ZNF420: variants seen among roughly 807,000 people sequenced by gnomAD.
ZNF420 encodes the protein ATM and p53-associated KZNF protein.
In ZNF420, 31 loss-of-function variants were observed where a neutral mutation model predicts 44.7. The ratio of observed to expected loss-of-function variants is 0.69; its 90% CI spans 0.52 to 0.94. ZNF420 has a LOEUF of 0.94. ZNF420 is among the 40% of genes least tolerant of loss of function. The probability of loss-of-function intolerance (pLI) is 0.00; values close to 1 mark genes in which losing one functional copy is unlikely to be tolerated. For synonymous variants in ZNF420, 245 were observed against 267.4 expected (o/e 0.92, Z 0.82); for missense variants, 681 against 827.9 (o/e 0.82, Z 2.18).
Position 37,048,688 on chromosome 19 carries a change from C to A in ZNF420, c.-124-31657C>A, listed in dbSNP as rs1175403022. On this transcript the variant is annotated intron_variant, in intron 1 of 4. Transcript: ENST00000587029. ...TCCTATTGGTGGCCACAATGTCACA[C>A]TCTTTTTTTAATTTTTTAATTTTTA... Among the ~76,000 whole-genome samples, 4 of 152,126 alleles carry A rather than the reference C, an allele frequency of 2.6e-5. No individual in the cohort carries two copies. The East Asian group carries it at 7.7e-4, about 29-fold the overall frequency.
chr19:37,015,151 T>G (rs2074600551), intron 1 of ZNF420, among the ~76,000 whole-genome samples: 1 of 152,184 alleles, frequency 6.6e-6, no homozygotes, highest in African/African-American at 2.4e-5. Flanking sequence ...TTTCTTTCTG[T>G]GTGTGTGTGG....
chr19:37,010,136 C>T (rs1411387901), intron 1 of ZNF420, among the ~76,000 whole-genome samples: 1 of 152,210 alleles, frequency 6.6e-6, no homozygotes, highest in Non-Finnish European at 1.5e-5. Flanking sequence ...AGAAACCAGT[C>T]CCTGAGGCTT....
chr19:37,058,539 CTGTGGAGGGGTG>C (rs1234051256), intron 1 of ZNF420, among the ~76,000 whole-genome samples: 3 of 152,064 alleles, frequency 2.0e-5, no homozygotes, highest in African/African-American at 7.2e-5. Flanking sequence ...GCTACCTAGG[CTGTGGAGGGGTG>C]AGGGTGGGGT....
At chr19:37,047,407 T>C (rs1171635927) in intron 1 of ZNF420, among the ~76,000 whole-genome samples, 1 of 152,294 alleles carries the variant, frequency 6.6e-6, no homozygotes, top group Non-Finnish European at 1.5e-5. Flanking sequence ...CACAAGGCAT[T>C]ATCTTAGATG....
intron 1 of ZNF420, among the ~76,000 whole-genome samples, chr19:37,038,589 A>G (rs533289019): frequency 1.3e-5 from 2 of 152,334 alleles, no homozygotes; most frequent in East Asian, 1.9e-4. Context: ...CATCTTCACC[A>G]GGAGTAGATT....
intron 4 of ZNF420, among the ~76,000 whole-genome samples, chr19:37,108,773 C>G (rs1040886600): frequency 6.6e-6 from 1 of 152,170 alleles, no homozygotes; most frequent in East Asian, 1.9e-4. Flanking sequence ...TGTTAAGTCA[C>G]TATCAACAGT....
chr19:37,127,034 T>G, intron 4 of ZNF420, 94 bp from the exon 5 acceptor site: 1 of 1,064,328 alleles, frequency 9.4e-7, no homozygotes, highest in South Asian at 2.4e-5. Context: ...AACTCATGTA[T>G]GTCTGTTATT....
intron 1 of ZNF420, among the ~76,000 whole-genome samples, chr19:37,061,359 T>G (rs1198788395): frequency 6.6e-6 from 1 of 152,232 alleles, no homozygotes; most frequent in East Asian, 1.9e-4. Context: ...TCCATCAGAC[T>G]GTTATATATG....
At chr19:37,014,229 T>A (rs1352399017) in intron 1 of ZNF420, among the ~76,000 whole-genome samples, 2 of 152,108 alleles carry the variant, frequency 1.3e-5, no homozygotes, top group Non-Finnish European at 2.9e-5. Context: ...GCAGCAGGAT[T>A]CCCTGAGCTT....
chr19:37,020,212 G>A (rs1466365447), intron 1 of ZNF420, among the ~76,000 whole-genome samples: 16 of 101,672 alleles, frequency 1.6e-4, no homozygotes, highest in Middle Eastern at 6.2e-3. Flanking sequence ...GTGAGACTCC[G>A]TCTCAAAAAA....
At chr19:37,109,065 T>C (rs1323780331) in intron 4 of ZNF420, among the ~76,000 whole-genome samples, 1 of 152,226 alleles carries the variant, frequency 6.6e-6, no homozygotes, top group Non-Finnish European at 1.5e-5. Context: ...CCGCTTACCA[T>C]GTGATAAGTG....
intron 1 of ZNF420, among the ~76,000 whole-genome samples, chr19:37,044,138 T>G (rs546922440): frequency 6.6e-6 from 1 of 152,308 alleles, no homozygotes; most frequent in African/African-American, 2.4e-5. Context: ...GGAGGCCTGG[T>G]TAGGATCATG....
intron 4 of ZNF420, among the ~76,000 whole-genome samples, chr19:37,098,705 A>G (rs1568456392): frequency 6.6e-6 from 1 of 152,186 alleles, no homozygotes; most frequent in African/African-American, 2.4e-5. Context: ...GACATTCAAG[A>G]TGCTCTCTTC....
chr19:37,122,036 A>G (rs568645174), intron 4 of ZNF420, among the ~76,000 whole-genome samples: 17 of 152,364 alleles, frequency 1.1e-4, no homozygotes, highest in Non-Finnish European at 1.6e-4. Flanking sequence ...TAGTTCAACC[A>G]TTGTGGAAGT....
intron 1 of ZNF420, among the ~76,000 whole-genome samples, chr19:37,043,783 T>G (rs1474886857): frequency 6.6e-6 from 1 of 152,124 alleles, no homozygotes; most frequent in Non-Finnish European, 1.5e-5. Context: ...TCTAAATTGC[T>G]CTTATGGAGA....
At chr19:37,011,654 G>A (rs1017309053) in intron 1 of ZNF420, among the ~76,000 whole-genome samples, 1 of 152,136 alleles carries the variant, frequency 6.6e-6, no homozygotes, top group Non-Finnish European at 1.5e-5. Flanking sequence ...GTTCCCAGGT[G>A]TGCTTTGCTT....
rs772669044 is a variant in ZNF420 at position 37,128,417 on chromosome 19, G to C, written c.1426G>C (p.Glu476Gln). 3 of 1,614,028 alleles carry C rather than the reference G, an allele frequency of 1.9e-6. No individual in the cohort carries two copies. Among genetic ancestry groups the C allele is most frequent in the Non-Finnish European group, 2.5e-6 (3 of 1,179,960 alleles). ...ERIHTGEKPY[E>Q]CKECGKSFIR... Reference sequence around the variant, plus strand: ...AATTCACACAGGTGAGAAACCCTATGAATGTAAGGAATGTGGGAAATCTTT... The same window carrying C: ...AATTCACACAGGTGAGAAACCCTATCAATGTAAGGAATGTGGGAAATCTTT... Residue 476 changes from glutamate to glutamine, a missense_variant, in exon 5 of 5, where the codon GAA (glutamate) becomes CAA (glutamine). Transcript: ENST00000337995.
At chr19:37,053,390 T>C (rs975804835) in intron 1 of ZNF420, among the ~76,000 whole-genome samples, 6 of 152,248 alleles carry the variant, frequency 3.9e-5, no homozygotes, top group Non-Finnish European at 7.3e-5. Flanking sequence ...CCAGCTTTGT[T>C]CCGTTGCTGG....
chr19:37,026,423 G>A (rs987711887), intron 1 of ZNF420, among the ~76,000 whole-genome samples: 4 of 151,904 alleles, frequency 2.6e-5, no homozygotes, highest in Admixed American at 1.3e-4. Flanking sequence ...GGGTTCAAGC[G>A]ATTCTCCTGC....
Sources: allele counts gnomAD v4.1 joint callset (sites outside exome capture counted in the v4.1 genomes callset), GRCh38; gene constraint gnomAD v4.1.1; transcripts MANE v1.5; gene names NCBI Gene and HGNC (gene_info 2026-07-23, HGNC 2026-07-21).